THSD4: variants seen among roughly 807,000 people sequenced by gnomAD.
THSD4 encodes the protein thrombospondin type 1 domain containing 4.
THSD4 carries 69 observed loss-of-function variants against 119.0 expected under a neutral mutation model. The ratio of observed to expected loss-of-function variants is 0.58; its 90% CI spans 0.48 to 0.71. The LOEUF is 0.71. THSD4 is among the 30% of genes least tolerant of loss of function. The probability of loss-of-function intolerance (pLI) is 0.00; values close to 1 mark genes in which losing one functional copy is unlikely to be tolerated. For synonymous variants in THSD4, 524 were observed against 540.4 expected, an observed-to-expected ratio of 0.97 and a Z score of 0.42; for missense variants, 1,393 against 1,391.1, an observed-to-expected ratio of 1.00 and a Z score of -0.02.
At chr15:71,310,969 G>A (rs1447770335) in intron 6 of THSD4, among the ~76,000 whole-genome samples, 1 of 152,154 alleles carries the variant, frequency 6.6e-6, no homozygotes, top group Non-Finnish European at 1.5e-5. Context: ...CTAGCCTGTT[G>A]TATCCGCTCA....
At chr15:71,136,210 CTT>C (rs2040550934) in intron 1 of THSD4, among the ~76,000 whole-genome samples, 1 of 151,886 alleles carries the variant, frequency 6.6e-6, no homozygotes, top group East Asian at 1.9e-4. Flanking sequence ...ATTCCCGACT[CTT>C]TTCTCATCAT....
chr15:71,208,174 A>G (rs1005776057), intron 3 of THSD4, among the ~76,000 whole-genome samples: 11 of 152,216 alleles, frequency 7.2e-5, no homozygotes, highest in African/African-American at 2.7e-4. Flanking sequence ...AGGGCCCCTG[A>G]ATACATTTCC....
intron 7 of THSD4, among the ~76,000 whole-genome samples, chr15:71,581,841 T>C (rs1429868466): frequency 6.6e-6 from 1 of 152,200 alleles, no homozygotes; most frequent in African/African-American, 2.4e-5. Context: ...TGTGGGTTTA[T>C]TTCTGGGCTA....
chr15:71,426,634 C>T (rs2046873314), intron 7 of THSD4, among the ~76,000 whole-genome samples: 1 of 152,154 alleles, frequency 6.6e-6, no homozygotes, highest in African/African-American at 2.4e-5. Flanking sequence ...TGCATGATTT[C>T]ACCCTTGAAA....
chr15:71,608,545 GTAAATA>G (rs2050161377), intron 7 of THSD4, among the ~76,000 whole-genome samples: 1 of 152,058 alleles, frequency 6.6e-6, no homozygotes, highest in African/African-American at 2.4e-5. Flanking sequence ...CCAGTTTTCT[GTAAATA>G]TAAATTAAGC....
At chr15:71,441,538 GGTGT>G (rs2047090779) in intron 7 of THSD4, among the ~76,000 whole-genome samples, 1 of 149,280 alleles carries the variant, frequency 6.7e-6, no homozygotes, top group Non-Finnish European at 1.5e-5. Context: ...TGGGACTACA[GGTGT>G]GCGCCACCAC....
At chr15:71,631,593 A>G (rs1163638818) in intron 7 of THSD4, among the ~76,000 whole-genome samples, 1 of 152,228 alleles carries the variant, frequency 6.6e-6, no homozygotes. Flanking sequence ...CTAAATGAGT[A>G]GGATGTATCT....
In THSD4 at chr15:71,778,746, G is replaced by T. The variant is rs892384806; in HGVS notation, c.*1372G>T. ...ACCAAGCTCTGCATTAATGCAGTTG[G>T]CCTGCGACAAGGAGCTGTGGACCCT... On this transcript the variant is annotated 3_prime_UTR_variant, in exon 18 of 18. Transcript: ENST00000261862. The T allele has an allele frequency of 6.6e-6, 1 of 150,836 alleles. No homozygotes were observed. Among genetic ancestry groups the T allele is most frequent in the African/African-American group, 2.4e-5 (1 of 40,842 alleles). 9.3% of individuals were successfully genotyped at this position (150,836 alleles called of 1,614,324 possible). A position where few individuals can be genotyped will look rare whatever the true frequency, so the allele number is the denominator to read the frequency against.
intron 6 of THSD4, among the ~76,000 whole-genome samples, chr15:71,376,668 G>A (rs1024625561): frequency 2.0e-5 from 3 of 152,172 alleles, no homozygotes; most frequent in South Asian, 2.1e-4. Flanking sequence ...AGTCTCTGCT[G>A]TCTCCTCAAC....
chr15:71,390,847 A>ATTT (rs1596393479), intron 6 of THSD4, among the ~76,000 whole-genome samples: 2 of 136,876 alleles, frequency 1.5e-5, no homozygotes, highest in African/African-American at 5.6e-5. Context: ...GATTGGCTAA[A>ATTT]TCTTTTTTTT....
intron 4 of THSD4, among the ~76,000 whole-genome samples, chr15:71,240,940 T>A (rs1241354729): frequency 2.0e-5 from 3 of 152,018 alleles, no homozygotes; most frequent in Admixed American, 2.0e-4. Flanking sequence ...AAGACCTAAA[T>A]GCAAAATAAA....
At chr15:71,685,481 C>G (rs1309881101) in intron 8 of THSD4, among the ~76,000 whole-genome samples, 2 of 152,048 alleles carry the variant, frequency 1.3e-5, no homozygotes, top group Non-Finnish European at 2.9e-5. Flanking sequence ...TTTAAAGTAA[C>G]TATTTCCCAG....
Position 71,301,123 on chromosome 15 carries a change from CTGT to C in THSD4, c.1015+44416_1015+44418del, listed in dbSNP as rs977199782. On this transcript the variant is annotated intron_variant, in intron 6 of 17. Transcript: ENST00000261862. The stretch of plus-strand genomic sequence containing the variant: ...TTTCATTACAGGTTGGAGGGTTTTT[CTGT>C]TGTTGTTTGTTGTTCAGCAGAAATA... Among the ~76,000 whole-genome samples the C allele has an allele frequency of 3.0e-4, 45 of 152,110 alleles. 1 individual carries two copies. Among genetic ancestry groups the C allele is most frequent in the African/African-American group, 1.0e-3 (43 of 41,482 alleles).
chr15:71,678,823 A>C (rs1432318014), intron 8 of THSD4, among the ~76,000 whole-genome samples: 1 of 152,160 alleles, frequency 6.6e-6, no homozygotes, highest in African/African-American at 2.4e-5. Context: ...ATTCTGAATC[A>C]ATATTCATGT....
intron 10 of THSD4, among the ~76,000 whole-genome samples, chr15:71,736,557 GTCTC>G (rs963299897): frequency 6.8e-6 from 1 of 147,860 alleles, no homozygotes; most frequent in Non-Finnish European, 1.5e-5. Context: ...CTCTCTCGCT[GTCTC>G]TCTTTCTTAC....
rs1216992749 is a variant in THSD4, at chr15:71,479,917, A to T, written c.1152+68094A>T. Among the ~76,000 whole-genome samples the T allele has an allele frequency of 2.0e-5, 3 of 152,254 alleles. No individual in the cohort carries two copies. In the East Asian group the frequency reaches 5.8e-4, roughly 29 times the overall value. The stretch of plus-strand genomic sequence containing the variant: ...TCCCCCTCAGAGAGAAACACTGTTA[A>T]CATTTTGTGTATTTCGGTCCAGGTT... On this transcript the variant is annotated intron_variant, in intron 7 of 17. Transcript: ENST00000261862.
intron 7 of THSD4, among the ~76,000 whole-genome samples, chr15:71,600,975 G>A (rs7496590): frequency 0.14 from 21,608 of 151,948 alleles, 1,935 homozygotes; most frequent in African/African-American, 0.26. Flanking sequence ...TCAAACTCCT[G>A]ACCCCAGGTG....
At chr15:71,129,827 A>G (rs2040487235) in intron 1 of THSD4, among the ~76,000 whole-genome samples, 1 of 152,222 alleles carries the variant, frequency 6.6e-6, no homozygotes, top group African/African-American at 2.4e-5. Flanking sequence ...AAATAATGAC[A>G]TAACTCAAAC....
intron 7 of THSD4, among the ~76,000 whole-genome samples, chr15:71,659,445 G>T (rs1385160221): frequency 6.6e-6 from 1 of 151,942 alleles, no homozygotes; most frequent in East Asian, 1.9e-4. Flanking sequence ...TTTAAAATAG[G>T]GCCTGCTCTG....
Sources: allele counts gnomAD v4.1 joint callset (sites outside exome capture counted in the v4.1 genomes callset), GRCh38; gene constraint gnomAD v4.1.1; transcripts MANE v1.5; gene names NCBI Gene and HGNC (gene_info 2026-07-23, HGNC 2026-07-21).